The following SNX29 variants were observed in gnomAD, a reference collection of about 807,000 sequenced individuals.
SNX29 encodes sorting nexin 29, also known as sorting nexin-29.
Under a neutral mutation model 102.1 loss-of-function variants are expected in SNX29, and 78 were observed. The ratio of observed to expected loss-of-function variants is 0.76; its 90% confidence interval spans 0.64 to 0.92. The LOEUF (loss-of-function observed/expected upper bound fraction) is 0.92, where lower values mean the gene tolerates loss of function less well. Ranked by LOEUF, SNX29 falls within the 40% of genes least tolerant of loss-of-function variation. SNX29 has a pLI of 0.00. For synonymous variants in SNX29, 580 were observed against 414.5 expected (o/e 1.40, Z -4.85); for missense variants, 1,280 against 1,061.7 (o/e 1.21, Z -2.86).
chr16:12,109,515 G>T (rs373226498), intron 11 of SNX29, among the ~76,000 whole-genome samples: 2 of 152,176 alleles, frequency 1.3e-5, no homozygotes, highest in East Asian at 3.9e-4. Context: ...GTGAGTTTTC[G>T]AGGGGACAAA....
At chr16:12,371,542 A>C (rs1281626638) in intron 16 of SNX29, among the ~76,000 whole-genome samples, 1 of 152,312 alleles carries the variant, frequency 6.6e-6, no homozygotes, top group Non-Finnish European at 1.5e-5. Context: ...TTCTGGGCTC[A>C]AGCAATCCTG....
At position 12,568,883 on chromosome 16, in the gene SNX29, T is replaced by G; in HGVS notation, c.*254T>G. The stretch of plus-strand genomic sequence containing the variant: ...ACACAGTCCTTCTGCTTCTGGGGTC[T>G]ACCCTGGGCTGCAAGGGCTGTTCCT... On this transcript the variant is annotated 3_prime_UTR_variant, in exon 21 of 21. Transcript: ENST00000566228. 1 of 539,352 alleles carries G rather than the reference T, an allele frequency of 1.9e-6. No homozygotes were observed. Among genetic ancestry groups the G allele is most frequent in the Non-Finnish European group, 3.2e-6 (1 of 314,670 alleles). The allele number at this position is 539,352 out of a possible 1,614,324, so 33.4% of individuals were successfully genotyped here. A position where few individuals can be genotyped will look rare whatever the true frequency, so the allele number is the denominator to read the frequency against.
chr16:12,137,531 A>T (rs1197094867), intron 13 of SNX29, among the ~76,000 whole-genome samples: 1 of 152,200 alleles, frequency 6.6e-6, no homozygotes, highest in South Asian at 2.1e-4. Flanking sequence ...ACTGTACTGT[A>T]CATCCTGGAA....
intron 20 of SNX29, chr16:12,545,749 C>T (rs1223988553): frequency 1.3e-5 from 2 of 152,168 alleles, no homozygotes; most frequent in Admixed American, 1.3e-4. Flanking sequence ...AGATTTTAAC[C>T]TGAGATGGAG....
At chr16:12,097,330 C>A (rs541594237) in intron 11 of SNX29, among the ~76,000 whole-genome samples, 1 of 152,216 alleles carries the variant, frequency 6.6e-6, no homozygotes, top group Non-Finnish European at 1.5e-5. Context: ...TAGGCTCTTA[C>A]TCCGGGAAGA....
intron 19 of SNX29, among the ~76,000 whole-genome samples, chr16:12,514,003 G>A (rs955723927): frequency 2.0e-5 from 3 of 152,182 alleles, no homozygotes; most frequent in East Asian, 1.9e-4. Context: ...GGCGTCCCCC[G>A]TTATAAAGCA....
intron 11 of SNX29, chr16:12,086,825 T>G (rs891540532): frequency 6.6e-6 from 1 of 152,130 alleles, no homozygotes; most frequent in African/African-American, 2.4e-5. Context: ...AAATTTTGGA[T>G]TAAATAGTCC....
In SNX29 at chr16:12,296,799, C is replaced by T. The variant is rs114980463; in HGVS notation, c.1782+18763C>T. Among the ~76,000 whole-genome samples the T allele has an allele frequency of 7.9e-3, 1,198 of 152,316 alleles. 18 individuals are homozygous for T. Among genetic ancestry groups the T allele is most frequent in the African/African-American group, 0.026 (1,094 of 41,568 alleles). On this transcript the variant is annotated intron_variant, in intron 15 of 20. Transcript: ENST00000566228. ...CATAAACACTTTAATGAAGGGTAAA[C>T]GTGGTTATCGCCACTTAACAAAGGA...
intron 11 of SNX29, among the ~76,000 whole-genome samples, chr16:12,116,246 A>G (rs1326612118): frequency 6.6e-6 from 1 of 152,250 alleles, no homozygotes; most frequent in African/African-American, 2.4e-5. Flanking sequence ...ACAGGTAACT[A>G]TGCACAAAGG....
chr16:12,186,700 T>C (rs2076519226), intron 13 of SNX29, among the ~76,000 whole-genome samples: 1 of 152,210 alleles, frequency 6.6e-6, no homozygotes, highest in South Asian at 2.1e-4. Context: ...AGCTTCTTTG[T>C]CTTTCATGAC....
chr16:12,532,955 C>G (rs1017473802), intron 20 of SNX29, among the ~76,000 whole-genome samples: 1 of 152,226 alleles, frequency 6.6e-6, no homozygotes, highest in African/African-American at 2.4e-5. Flanking sequence ...GCTGCGGACC[C>G]AGGGAGCGGG....
intron 19 of SNX29, among the ~76,000 whole-genome samples, chr16:12,521,816 G>T (rs1017241247): frequency 6.6e-6 from 1 of 152,194 alleles, no homozygotes; most frequent in Non-Finnish European, 1.5e-5. Context: ...GTGAGCAGAG[G>T]CTCCAGCTTG....
chr16:12,175,068 C>CT (rs767476622), intron 13 of SNX29, among the ~76,000 whole-genome samples: 14 of 152,130 alleles, frequency 9.2e-5, no homozygotes, highest in Non-Finnish European at 1.9e-4. Flanking sequence ...GGGAGATTGA[C>CT]TTGGGAATAA....
chr16:12,482,282 C>T (rs796457005), intron 19 of SNX29, among the ~76,000 whole-genome samples: 1 of 152,028 alleles, frequency 6.6e-6, no homozygotes, highest in Non-Finnish European at 1.5e-5. Flanking sequence ...TTTTCTTTTT[C>T]CTTTTTCCTT....
intron 16 of SNX29, among the ~76,000 whole-genome samples, chr16:12,396,620 AGAG>A (rs2151487403): frequency 6.6e-6 from 1 of 152,316 alleles, no homozygotes; most frequent in Non-Finnish European, 1.5e-5. Flanking sequence ...ATGGATGAAA[AGAG>A]GAGAATGGGT....
In SNX29 at chr16:12,106,613, A is replaced by T. The variant is rs1162714593; in HGVS notation, c.1403-20020A>T. On this transcript the variant is annotated intron_variant, in intron 11 of 20. Coordinates refer to ENST00000566228, the MANE Select transcript of SNX29 (RefSeq NM_032167.5). ...CTCAGCCTCCTGAGTAGCTGGGACTACAGGCACGTGCCACCATGCCTGGCT... is the reference window on the plus strand; with the variant it reads ...CTCAGCCTCCTGAGTAGCTGGGACTTCAGGCACGTGCCACCATGCCTGGCT... Among the ~76,000 whole-genome samples, 5 of 149,782 alleles carry T rather than the reference A, an allele frequency of 3.3e-5. No homozygotes were observed. In the East Asian group the frequency reaches 9.8e-4, roughly 29 times the overall value.
At chr16:12,288,422 C>T (rs1269838924) in intron 15 of SNX29, among the ~76,000 whole-genome samples, 4 of 152,186 alleles carry the variant, frequency 2.6e-5, no homozygotes, top group Admixed American at 2.6e-4. Context: ...TGCAAAACTG[C>T]CCTGAGCTGC....
intron 13 of SNX29, among the ~76,000 whole-genome samples, chr16:12,173,626 A>G (rs1050139958): frequency 6.6e-6 from 1 of 152,198 alleles, no homozygotes; most frequent in African/African-American, 2.4e-5. Flanking sequence ...TCTGTTAACC[A>G]GGAGCCAAAC....
chr16:12,477,317 G>A (rs1276060819), intron 18 of SNX29, among the ~76,000 whole-genome samples: 8 of 152,132 alleles, frequency 5.3e-5, no homozygotes, highest in Admixed American at 2.0e-4. Context: ...CCTTTGGAGC[G>A]AGGTGCTCCT....
Sources: gnomAD v4.1 joint callset for allele counts (sites outside exome capture counted in the v4.1 genomes callset) on GRCh38, gnomAD v4.1.1 for gene constraint, MANE v1.5 for transcripts, NCBI Gene and HGNC (gene_info 2026-07-23, HGNC 2026-07-21) for gene names.